The following LSAMP variants were observed in gnomAD, a reference collection of about 807,000 sequenced individuals.
The protein encoded by LSAMP is limbic system associated membrane protein.
LSAMP carries 7 observed loss-of-function variants against 38.6 expected under a neutral mutation model. The observed-to-expected ratio is 0.18, with a 90% CI of 0.10 to 0.34. The LOEUF (loss-of-function observed/expected upper bound fraction) is 0.34, where lower values mean the gene tolerates loss of function less well. Among genes scored for constraint, LSAMP ranks in the 10% least tolerant of loss-of-function variants. The pLI is 1.00. For missense variants in LSAMP, 313 were observed against 420.0 expected (o/e 0.75, Z 2.23); for synonymous variants, 154 against 166.8 (o/e 0.92, Z 0.59).
chr3:116,005,501 G>A (rs1177717204), intron 3 of LSAMP, among the ~76,000 whole-genome samples: 1 of 152,128 alleles, frequency 6.6e-6, no homozygotes, highest in African/African-American at 2.4e-5. Flanking sequence ...ACCTTTGACA[G>A]GAAATAGAAC....
At chr3:116,071,976 T>TC (rs1707617101) in intron 2 of LSAMP, among the ~76,000 whole-genome samples, 1 of 126,630 alleles carries the variant, frequency 7.9e-6, no homozygotes, top group Non-Finnish European at 1.6e-5. Context: ...ATATGTAGCT[T>TC]TTTTTTTTTT....
intron 4 of LSAMP, among the ~76,000 whole-genome samples, chr3:115,851,173 C>G (rs1463332542): frequency 6.6e-6 from 1 of 152,142 alleles, no homozygotes; most frequent in African/African-American, 2.4e-5. Context: ...AGGGTATCAT[C>G]ATGTTGGCCA....
At chr3:116,030,272 G>A (rs1376813436) in intron 2 of LSAMP, among the ~76,000 whole-genome samples, 1 of 152,140 alleles carries the variant, frequency 6.6e-6, no homozygotes, top group African/African-American at 2.4e-5. Flanking sequence ...TCAGCTAAGC[G>A]TGTCCATTAT....
chr3:116,057,248 T>A (rs1941506293), intron 2 of LSAMP, among the ~76,000 whole-genome samples: 1 of 152,196 alleles, frequency 6.6e-6, no homozygotes, highest in African/African-American at 2.4e-5. Flanking sequence ...ACAAGACTGA[T>A]CAACCAGGTA....
rs1159861117 is a variant in LSAMP at position 115,810,294 on chromosome 3, A to G, written c.*23T>C. The G allele has an allele frequency of 6.7e-7, 1 of 1,503,648 alleles. No homozygotes were observed. Among genetic ancestry groups the G allele is most frequent in the South Asian group, 1.2e-5 (1 of 82,204 alleles). 93.1% of individuals were successfully genotyped at this position (1,503,648 alleles called of 1,614,324 possible). ...TGACGCATTTTTGTGTGTTTTTTAA[A>G]TTATTTTTAAATTTTTATTCTATTA... On this transcript the variant is annotated 3_prime_UTR_variant, in exon 7 of 7. Transcript: ENST00000490035.
chr3:115,928,288 T>C (rs926023481), intron 3 of LSAMP, among the ~76,000 whole-genome samples: 7 of 152,226 alleles, frequency 4.6e-5, no homozygotes, highest in African/African-American at 1.7e-4. Flanking sequence ...TCTTCTTTAA[T>C]GATTAATTTA....
intron 1 of LSAMP, among the ~76,000 whole-genome samples, chr3:116,390,077 C>T (rs377404788): frequency 6.6e-6 from 1 of 151,552 alleles, no homozygotes; most frequent in African/African-American, 2.4e-5. Context: ...GAAGGACCTT[C>T]CAGGTAAAAA....
chr3:116,216,303 C>T (rs753548170), intron 1 of LSAMP, among the ~76,000 whole-genome samples: 2 of 152,160 alleles, frequency 1.3e-5, no homozygotes, highest in Non-Finnish European at 2.9e-5. Flanking sequence ...CACTCTGTAA[C>T]GGATCCTCTT....
chr3:116,274,454 AT>A (rs113326201), intron 1 of LSAMP, among the ~76,000 whole-genome samples: 18 of 152,148 alleles, frequency 1.2e-4, no homozygotes, highest in African/African-American at 3.9e-4. Flanking sequence ...TTTTTCATTC[AT>A]TTTTTTCTTA....
intron 1 of LSAMP, among the ~76,000 whole-genome samples, chr3:116,128,779 TAAG>T (rs551722391): frequency 2.8e-4 from 42 of 152,258 alleles, no homozygotes; most frequent in African/African-American, 9.4e-4. Context: ...CAGCTACGAT[TAAG>T]AAGTAGAATA....
At chr3:116,169,756 T>C (rs1171123934) in intron 1 of LSAMP, among the ~76,000 whole-genome samples, 1 of 152,230 alleles carries the variant, frequency 6.6e-6, no homozygotes, top group Non-Finnish European at 1.5e-5. Flanking sequence ...GAAGAATTAT[T>C]GAATTTTTCA....
intron 1 of LSAMP, among the ~76,000 whole-genome samples, chr3:116,295,167 G>T (rs2047314568): frequency 6.6e-6 from 1 of 152,138 alleles, no homozygotes; most frequent in African/African-American, 2.4e-5. Flanking sequence ...GCCAGAATTG[G>T]CATTGTGTAT....
At chr3:115,994,137 A>G (rs1190110147) in intron 3 of LSAMP, among the ~76,000 whole-genome samples, 1 of 152,070 alleles carries the variant, frequency 6.6e-6, no homozygotes, top group Non-Finnish European at 1.5e-5. Flanking sequence ...CAATGAAGAG[A>G]GTGACTTCCT....
chr3:116,431,029 T>G (rs1221955132), intron 1 of LSAMP, among the ~76,000 whole-genome samples: 1 of 152,082 alleles, frequency 6.6e-6, no homozygotes, highest in Non-Finnish European at 1.5e-5. Flanking sequence ...CCTATAGTTT[T>G]CATCCATATT....
intron 1 of LSAMP, among the ~76,000 whole-genome samples, chr3:116,344,567 A>G (rs753491039): frequency 2.0e-5 from 3 of 151,978 alleles, no homozygotes; most frequent in Admixed American, 6.6e-5. Flanking sequence ...CTTCCACTCT[A>G]CCTCCTTTAA....
intron 3 of LSAMP, among the ~76,000 whole-genome samples, chr3:116,019,274 G>A (rs536410261): frequency 1.3e-5 from 2 of 151,880 alleles, no homozygotes; most frequent in East Asian, 3.9e-4. Flanking sequence ...TCAGTACAAT[G>A]ATTGTAAACT....
chr3:116,023,968 T>G (rs1223889446), intron 2 of LSAMP, among the ~76,000 whole-genome samples: 1 of 152,162 alleles, frequency 6.6e-6, no homozygotes, highest in Non-Finnish European at 1.5e-5. Context: ...GCAATTACCC[T>G]CTTTCCCCTT....
intron 4 of LSAMP, among the ~76,000 whole-genome samples, chr3:115,845,053 G>A (rs186701240): frequency 6.6e-6 from 1 of 152,330 alleles, no homozygotes; most frequent in East Asian, 1.9e-4. Flanking sequence ...CAGAACTGAT[G>A]AGACTAGAAA....
intron 3 of LSAMP, among the ~76,000 whole-genome samples, chr3:115,930,493 C>T (rs1246434595): frequency 1.3e-5 from 2 of 152,086 alleles, no homozygotes; most frequent in Admixed American, 1.3e-4. Flanking sequence ...GTCTCCTACT[C>T]AGTATATTCC....
Sources: allele counts gnomAD v4.1 joint callset (sites outside exome capture counted in the v4.1 genomes callset), GRCh38; gene constraint gnomAD v4.1.1; transcripts MANE v1.5; gene names NCBI Gene and HGNC (gene_info 2026-07-23, HGNC 2026-07-21).